The following RGS20 variants were observed in gnomAD, a reference collection of about 807,000 sequenced individuals.
RGS20 encodes gz-selective GTPase-activating protein.
A neutral mutation model predicts 33.6 loss-of-function variants in RGS20; 30 were observed. That is an observed-to-expected ratio of 0.89 (90% CI 0.67 to 1.21). The LOEUF (loss-of-function observed/expected upper bound fraction) is 1.21, where lower values mean the gene tolerates loss of function less well. Among genes scored for constraint, RGS20 ranks in the 50% most tolerant of loss-of-function variants. The pLI is 0.00. For synonymous variants in RGS20, 208 were observed against 197.9 expected (o/e 1.05, Z -0.43); for missense variants, 472 against 502.4 (o/e 0.94, Z 0.58).
At chr8:53,862,795 T>C (rs1048344844) in intron 1 of RGS20, among the ~76,000 whole-genome samples, 1 of 152,124 alleles carries the variant, frequency 6.6e-6, no homozygotes, top group African/African-American at 2.4e-5. Flanking sequence ...TGAGACCCTA[T>C]CTCTAAAAAG....
At chr8:53,867,619 T>C (rs1404771184) in intron 1 of RGS20, among the ~76,000 whole-genome samples, 1 of 152,168 alleles carries the variant, frequency 6.6e-6, no homozygotes, top group Non-Finnish European at 1.5e-5. Flanking sequence ...TAAAACACTG[T>C]TTCCAAATCT....
At chr8:53,859,309 T>C (rs1210954577) in intron 1 of RGS20, among the ~76,000 whole-genome samples, 3 of 152,212 alleles carry the variant, frequency 2.0e-5, no homozygotes, top group Non-Finnish European at 2.9e-5. Flanking sequence ...TTGGGGAATA[T>C]TTTAAATGGC....
chr8:53,903,173 TATAG>T (rs1393994678), intron 2 of RGS20, among the ~76,000 whole-genome samples: 3 of 152,260 alleles, frequency 2.0e-5, no homozygotes, highest in Admixed American at 6.5e-5. Flanking sequence ...TGTGTGCTTG[TATAG>T]ATAGATGTAT....
At chr8:53,880,769 G>A in intron 2 of RGS20, 103 bp from the exon 1 acceptor site, 1 of 1,099,252 alleles carries the variant, frequency 9.1e-7, no homozygotes, top group Non-Finnish European at 1.2e-6. Context: ...GGGCCTCGGG[G>A]GTACCCCTAG....
intron 2 of RGS20, among the ~76,000 whole-genome samples, chr8:53,910,510 A>G (rs1484510858): frequency 1.3e-5 from 2 of 152,192 alleles, no homozygotes; most frequent in African/African-American, 4.8e-5. Flanking sequence ...GAAAAAAGAT[A>G]CAGCTCCTTT....
chr8:53,890,367 A>G (rs1180749629), intron 2 of RGS20, among the ~76,000 whole-genome samples: 1 of 152,090 alleles, frequency 6.6e-6, no homozygotes, highest in Admixed American at 6.6e-5. Flanking sequence ...AGTTTAGTCC[A>G]TCTAATTCTT....
intron 2 of RGS20, chr8:53,879,660 TCCCGATTCTTCCTAACCCCAACTGA>T: frequency 7.6e-7 from 1 of 1,319,586 alleles, no homozygotes; most frequent in Middle Eastern, 2.5e-4. Flanking sequence ...CACCAGCCTC[TCCCGATTCTTCCTAACCCCAACTGA>T]CCCGCTCCGC....
At chr8:53,921,757 G>A (rs189751058) in intron 2 of RGS20, among the ~76,000 whole-genome samples, 206 of 152,052 alleles carry the variant, frequency 1.4e-3, no homozygotes, top group African/African-American at 4.4e-3. Context: ...AACTAGCTAA[G>A]GTTTGTCAAT....
chr8:53,875,037 AAT>A (rs1430563953), intron 1 of RGS20, among the ~76,000 whole-genome samples: 5 of 152,226 alleles, frequency 3.3e-5, no homozygotes, highest in African/African-American at 1.2e-4. Flanking sequence ...CCTGAACAAA[AAT>A]AGTTAAACTT....
At chr8:53,863,148 C>T (rs557877245) in intron 1 of RGS20, among the ~76,000 whole-genome samples, 4 of 152,144 alleles carry the variant, frequency 2.6e-5, no homozygotes, top group South Asian at 2.1e-4. Context: ...CCACCATGCC[C>T]GGCTAATTTT....
intron 2 of RGS20, among the ~76,000 whole-genome samples, chr8:53,883,748 C>T (rs188737228): frequency 5.9e-5 from 9 of 152,038 alleles, no homozygotes; most frequent in South Asian, 2.1e-4. Context: ...AGTTCTAGGC[C>T]AGCCTGGCCA....
rs1189173243 is a variant in RGS20 at position 53,948,333 on chromosome 8, G to GAC, written c.743+1587_743+1588dup. ...GTATATATACATATGCTATATATAA[G>GAC]ACAGTATATATTTATATATGCTATA... On this transcript the variant is annotated intron_variant, in intron 4 of 5. Transcript: ENST00000297313. Among the ~76,000 whole-genome samples, 692 of 131,762 alleles carry GAC rather than the reference G, an allele frequency of 5.3e-3. 25 individuals carry two copies. The highest frequency in any genetic ancestry group is 0.02 in the African/African-American group (644 of 32,718). 86.4% of individuals were successfully genotyped at this position (131,762 alleles called of 152,430 possible).
At chr8:53,930,390 C>T (rs1813920205) in intron 2 of RGS20, among the ~76,000 whole-genome samples, 1 of 152,110 alleles carries the variant, frequency 6.6e-6, no homozygotes, top group Non-Finnish European at 1.5e-5. Flanking sequence ...GACCCTTACC[C>T]CACATGTAAG....
intron 2 of RGS20, among the ~76,000 whole-genome samples, chr8:53,928,300 C>T (rs1270870042): frequency 6.6e-6 from 1 of 152,148 alleles, no homozygotes; most frequent in Non-Finnish European, 1.5e-5. Context: ...ATGATCACTC[C>T]CACCACCAAA....
At chr8:53,951,067 C>A (rs896031152) in intron 4 of RGS20, among the ~76,000 whole-genome samples, 3 of 152,212 alleles carry the variant, frequency 2.0e-5, no homozygotes, top group Non-Finnish European at 2.9e-5. Flanking sequence ...ATAAAATAAT[C>A]TCAAACATCA....
intron 2 of RGS20, among the ~76,000 whole-genome samples, chr8:53,883,915 C>T (rs923802448): frequency 6.7e-6 from 1 of 150,364 alleles, no homozygotes; most frequent in African/African-American, 2.5e-5. Flanking sequence ...CACTGCACTC[C>T]AGCCTGGGCA....
chr8:53,941,707 A>C (rs1256472158), intron 3 of RGS20, among the ~76,000 whole-genome samples: 1 of 152,224 alleles, frequency 6.6e-6, no homozygotes, highest in African/African-American at 2.4e-5. Context: ...AAAGACAATA[A>C]ATCTAGAAAA....
chr8:53,893,895 C>A (rs1216724597), intron 2 of RGS20, among the ~76,000 whole-genome samples: 1 of 152,118 alleles, frequency 6.6e-6, no homozygotes, highest in Non-Finnish European at 1.5e-5. Flanking sequence ...GAAAAACTCA[C>A]CCGAGCATGT....
intron 1 of RGS20, chr8:53,876,538 T>C (rs1470336051): frequency 6.6e-6 from 1 of 152,308 alleles, no homozygotes; most frequent in African/African-American, 2.4e-5. Flanking sequence ...GACAAGGCTC[T>C]CTGAAGTGCA....
Sources: gnomAD v4.1 joint callset for allele counts (sites outside exome capture counted in the v4.1 genomes callset) on GRCh38, gnomAD v4.1.1 for gene constraint, MANE v1.5 for transcripts, NCBI Gene and HGNC (gene_info 2026-07-23, HGNC 2026-07-21) for gene names.